ZNF429: variants seen among roughly 807,000 people sequenced by gnomAD.
ZNF429 encodes the protein zinc finger protein 429.
A neutral mutation model predicts 56.8 loss-of-function variants in ZNF429; 53 were observed. That is an observed-to-expected ratio of 0.93 (90% CI 0.75 to 1.17). The LOEUF (loss-of-function observed/expected upper bound fraction) is 1.17. ZNF429 is among the 50% of genes most tolerant of loss of function. ZNF429 has a pLI of 0.00. For synonymous variants in ZNF429, 278 were observed against 264.7 expected (o/e 1.05, Z -0.49); for missense variants, 849 against 788.4 (o/e 1.08, Z -0.92).
chr19:21,532,960 G>A, intron 3 of ZNF429, among the ~76,000 whole-genome samples: 1 of 151,804 alleles, frequency 6.6e-6, no homozygotes, highest in East Asian at 1.9e-4. Context: ...CTCTCAAAGT[G>A]CTAGGATTAC....
At chr19:21,507,830 T>G (rs747914096) in intron 1 of ZNF429, among the ~76,000 whole-genome samples, 1 of 152,222 alleles carries the variant, frequency 6.6e-6, no homozygotes, top group East Asian at 1.9e-4. Context: ...CTTCAGATGT[T>G]AAGACTGTGT....
intron 1 of ZNF429, among the ~76,000 whole-genome samples, chr19:21,512,979 C>T (rs1187616419): frequency 6.6e-6 from 1 of 151,592 alleles, no homozygotes; most frequent in Non-Finnish European, 1.5e-5. Context: ...TCACACCATT[C>T]TCCTGCCTCA....
Position 21,536,284 on chromosome 19 carries a change from G to C in ZNF429, c.231G>C (p.Val77=). Residue 77 remains valine, a synonymous_variant, in exon 4 of 4, where the codon GTG becomes GTC. Coordinates refer to ENST00000358491, the MANE Select transcript of ZNF429 (RefSeq NM_001001415.4). ...RHEMVDEPPV[V]CSHFAEDFWP... is the part of the protein sequence containing the mutation. ...GTTGTTTTAATTTTATTTTAGTTGT[G>C]TGTTCTCATTTTGCTGAAGACTTTT... 2 of 1,565,290 alleles carry C rather than the reference G, an allele frequency of 1.3e-6. No individual in the cohort carries two copies. The highest frequency in any genetic ancestry group is 1.7e-4 in the Middle Eastern group (1 of 5,792).
rs766135886 is a variant in ZNF429, at chr19:21,536,893, T to C, written c.840T>C (p.Ser280=). 1.2e-6 allele frequency: 2 copies of C among 1,612,388 alleles called. No individual in the cohort carries two copies. Among genetic ancestry groups the C allele is most frequent in the East Asian group, 4.5e-5 (2 of 44,844 alleles). The change falls in exon 4 of 4, where the codon TCT becomes TCC. Residue 280 remains serine, a synonymous_variant. Coordinates refer to ENST00000358491, the MANE Select transcript of ZNF429 (RefSeq NM_001001415.4). ...STLTTHKRIH[S]GEKPYKCDEC... is the part of the protein sequence containing the mutation. ...TTACTACCCATAAGAGAATTCATTC[T>C]GGAGAGAAGCCCTACAAATGTGATG...
chr19:21,508,420 A>C (rs923174228), intron 1 of ZNF429, among the ~76,000 whole-genome samples: 5 of 152,148 alleles, frequency 3.3e-5, no homozygotes, highest in African/African-American at 1.2e-4. Flanking sequence ...GGGTAGGAGA[A>C]TCTCTCAAGT....
Position 21,536,574 on chromosome 19 carries a change from A to C in ZNF429, c.521A>C (p.Gln174Pro). 6.2e-7 allele frequency: 1 copy of C among 1,613,758 alleles called. No homozygotes were observed. Among genetic ancestry groups the C allele is most frequent in the Non-Finnish European group, 8.5e-7 (1 of 1,179,878 alleles). Residue 174 changes from glutamine (Q) to proline (P), a missense_variant, in exon 4 of 4, where the codon CAG becomes CCG. Coordinates refer to ENST00000358491, the MANE Select transcript of ZNF429 (RefSeq NM_001001415.4). Reference sequence around the variant, plus strand: ...AGACATACTGGAAAGAAACCTTTCCAGTGTAAAAAATGTGGCAAATCATTT... The same window carrying C: ...AGACATACTGGAAAGAAACCTTTCCCGTGTAAAAAATGTGGCAAATCATTT... ...KTRHTGKKPF[Q>P]CKKCGKSFCM...
chr19:21,530,518 C>T, intron 2 of ZNF429, 71 bp from the exon 3 acceptor site: 1 of 1,050,874 alleles, frequency 9.5e-7, no homozygotes, highest in Admixed American at 2.6e-5. Context: ...ATCCTCTTTA[C>T]TGAGCACATT....
chr19:21,537,753 G>A lies in ZNF429; in HGVS notation c.1700G>A (p.Cys567Tyr). 1 of 1,613,458 alleles carries A rather than the reference G, an allele frequency of 6.2e-7. No individual in the cohort carries two copies. The highest frequency in any genetic ancestry group is 8.5e-7 in the Non-Finnish European group (1 of 1,179,934). Residue 567 changes from cysteine to tyrosine, a missense_variant, in exon 4 of 4, where the codon TGT (cysteine) becomes TAT (tyrosine). Cys to Tyr is a radical substitution (Grantham distance 194). Coordinates refer to ENST00000358491, the MANE Select transcript of ZNF429 (RefSeq NM_001001415.4). ...KIHTGEKPYK[C>Y]KQCDKAFTHS... ...CATACTGGAGAGAAACCCTACAAAT[G>A]TAAACAATGTGACAAAGCTTTTACC... is the stretch of plus-strand genomic sequence containing the variant.
At chr19:21,511,944 G>T (rs1199288949) in intron 1 of ZNF429, among the ~76,000 whole-genome samples, 2 of 152,136 alleles carry the variant, frequency 1.3e-5, no homozygotes, top group Non-Finnish European at 2.9e-5. Flanking sequence ...AGGCGTGGCG[G>T]TGCGCGCCTG....
At chr19:21,532,838 A>G in intron 3 of ZNF429, among the ~76,000 whole-genome samples, 1 of 151,802 alleles carries the variant, frequency 6.6e-6, no homozygotes, top group African/African-American at 2.4e-5. Flanking sequence ...AGCTGGGACT[A>G]CAGGTGTGTG....
intron 1 of ZNF429, chr19:21,529,404 T>C (rs1599472675): frequency 1.5e-6 from 1 of 670,980 alleles, no homozygotes; most frequent in Non-Finnish European, 1.9e-6. Flanking sequence ...CTTTATCACT[T>C]AGAAAAATGT....
intron 3 of ZNF429, among the ~76,000 whole-genome samples, chr19:21,534,947 C>A: frequency 6.7e-6 from 1 of 150,138 alleles, no homozygotes; most frequent in African/African-American, 2.4e-5. Context: ...GTAGCTGGGA[C>A]TACAGGCATC....
chr19:21,512,400 C>T lies in ZNF429; in HGVS notation c.3+6626C>T, dbSNP rs145008907. ...GAATGCCTTAACTGTGGGCCATGCG[C>T]GGTAATTTCAGCACTTTGGAAGGCT... On this transcript the variant is annotated intron_variant, in intron 1 of 3. Coordinates refer to ENST00000358491, the MANE Select transcript of ZNF429 (RefSeq NM_001001415.4). Among the ~76,000 whole-genome samples the T allele has an allele frequency of 1.5e-3, 221 of 151,972 alleles. 2 individuals are homozygous for T. Among genetic ancestry groups the T allele is most frequent in the Non-Finnish European group, 2.2e-3 (150 of 67,988 alleles).
In ZNF429 at chr19:21,536,729, G is replaced by T. The variant is rs1043321618; in HGVS notation, c.676G>T (p.Glu226Ter). ...LTNHKRIYVG[E>*]KHYRCEECGK... ...TAACCATAAGAGAATTTATGTTGGT[G>T]AGAAACACTACAGATGTGAAGAATG... The change falls in exon 4 of 4, where the codon GAG (glutamate) becomes TAG (stop). Residue 226 changes from glutamate (E) to a stop codon, truncating the protein, a stop_gained. Transcript: ENST00000358491. LOFTEE classifies it high-confidence loss of function. The T allele has an allele frequency of 1.9e-6, 3 of 1,613,740 alleles. No individual in the cohort carries two copies. The highest frequency in any genetic ancestry group is 2.5e-6 in the Non-Finnish European group (3 of 1,179,964).
At chr19:21,523,839 C>T (rs1192762853) in intron 1 of ZNF429, among the ~76,000 whole-genome samples, 1 of 151,636 alleles carries the variant, frequency 6.6e-6, no homozygotes, top group African/African-American at 2.4e-5. Context: ...CCAGAGCAGC[C>T]TCTATGAGGA....
chr19:21,536,321 G>A lies in ZNF429; in HGVS notation c.268G>A (p.Asp90Asn). 2.5e-6 allele frequency: 4 copies of A among 1,606,346 alleles called. No individual in the cohort carries two copies. The highest frequency in any genetic ancestry group is 3.4e-6 in the Non-Finnish European group (4 of 1,177,354). Residue 90 changes from aspartate to asparagine, a missense_variant, in exon 4 of 4, where the codon GAC (aspartate) becomes AAC (asparagine). By Grantham distance (23) the Asp-to-Asn change is conservative (BLOSUM62 1). Transcript: ENST00000358491. ...TGCTGAAGACTTTTGGCCAGAGCAA[G>A]ACATAAAAGATTCTTTCCAAAAAGT... ...HFAEDFWPEQ[D>N]IKDSFQKVTL...
intron 1 of ZNF429, among the ~76,000 whole-genome samples, chr19:21,525,128 A>G (rs1440188030): frequency 6.6e-6 from 1 of 152,186 alleles, no homozygotes; most frequent in Non-Finnish European, 1.5e-5. Context: ...TATTTGGGCC[A>G]CTTTCTTTAC....
intron 1 of ZNF429, among the ~76,000 whole-genome samples, chr19:21,528,483 T>C (rs1190395524): frequency 6.6e-6 from 1 of 152,088 alleles, no homozygotes; most frequent in Non-Finnish European, 1.5e-5. Context: ...GGTGGGTGGA[T>C]AACTTGAGGT....
Position 21,529,802 on chromosome 19 carries a change from A to G in ZNF429, c.130+18A>G. On this transcript the variant is annotated intron_variant, in intron 2 of 3. Transcript: ENST00000358491. ...CTTCCTGGGTGAGAATAACTTCAAT[A>G]CAACATTCCTAATATACCCTAAATG... The G allele has an allele frequency of 3.4e-6, 5 of 1,459,332 alleles. No individual in the cohort carries two copies. Among genetic ancestry groups the G allele is most frequent in the Non-Finnish European group, 4.7e-6 (5 of 1,071,586 alleles). 90.4% of individuals were successfully genotyped at this position (1,459,332 alleles called of 1,614,324 possible). A position where few individuals can be genotyped will look rare whatever the true frequency, so the allele number is the denominator to read the frequency against.
Sources: gnomAD v4.1 joint callset for allele counts (sites outside exome capture counted in the v4.1 genomes callset) on GRCh38, gnomAD v4.1.1 for gene constraint, MANE v1.5 for transcripts, NCBI Gene and HGNC (gene_info 2026-07-23, HGNC 2026-07-21) for gene names.